BICC1: variants seen among roughly 807,000 people sequenced by gnomAD.
The protein encoded by BICC1 is protein bicaudal C homolog 1.
In BICC1, 43 loss-of-function variants were observed where a neutral mutation model predicts 111.0. That is an observed-to-expected ratio of 0.39 (90% confidence interval 0.30 to 0.50). The LOEUF (loss-of-function observed/expected upper bound fraction) is 0.50. Ranked by LOEUF, BICC1 falls within the 20% of genes least tolerant of loss-of-function variation. BICC1 has a pLI of 0.88. For missense variants in BICC1, 1,091 were observed against 1,203.2 expected, an observed-to-expected ratio of 0.91 and a Z score of 1.38; for synonymous variants, 467 against 434.4, an observed-to-expected ratio of 1.07 and a Z score of -0.93.
rs80058104 is a variant in BICC1, at chr10:58,689,867, G to A, written c.238-12207G>A. The stretch of plus-strand genomic sequence containing the variant: ...TTGGTCAGATGGGTAAGGTTTGGGT[G>A]GCTGAAGCATATGACACTTTTCAGT... On this transcript the variant is annotated intron_variant, in intron 2 of 20. Transcript: ENST00000373886. Among the ~76,000 whole-genome samples, 11 of 152,264 alleles carry A rather than the reference G, an allele frequency of 7.2e-5. No homozygotes were observed. The East Asian group carries it at 1.7e-3, about 24-fold the overall frequency.
chr10:58,530,981 C>T (rs977810388), intron 1 of BICC1, among the ~76,000 whole-genome samples: 1 of 151,776 alleles, frequency 6.6e-6, no homozygotes, highest in African/African-American at 2.4e-5. Flanking sequence ...AACCAAGAAC[C>T]ATGGTTTTGA....
chr10:58,688,720 G>A (rs1463677316), intron 2 of BICC1, among the ~76,000 whole-genome samples: 1 of 152,164 alleles, frequency 6.6e-6, no homozygotes, highest in Non-Finnish European at 1.5e-5. Context: ...ATGAGTTCAT[G>A]TCCTTTGCAG....
chr10:58,557,139 T>G (rs1843471253), intron 1 of BICC1, among the ~76,000 whole-genome samples: 1 of 152,148 alleles, frequency 6.6e-6, no homozygotes, highest in African/African-American at 2.4e-5. Context: ...GATGTTTTCG[T>G]TGAGTAAATA....
At chr10:58,763,370 C>CCCT (rs1842372176) in intron 3 of BICC1, among the ~76,000 whole-genome samples, 2 of 151,994 alleles carry the variant, frequency 1.3e-5, no homozygotes, top group South Asian at 2.1e-4. Flanking sequence ...ATAGCCATAG[C>CCCT]CCTGAGCTTT....
intron 3 of BICC1, among the ~76,000 whole-genome samples, chr10:58,707,775 G>A (rs1461200251): frequency 6.6e-6 from 1 of 151,774 alleles, no homozygotes; most frequent in African/African-American, 2.4e-5. Context: ...TCGGCTCACC[G>A]CAACCTCCAC....
intron 2 of BICC1, among the ~76,000 whole-genome samples, chr10:58,691,629 A>G (rs1839910475): frequency 6.6e-6 from 1 of 152,108 alleles, no homozygotes. Flanking sequence ...AAAACTCTAG[A>G]TTTCTGGCTG....
rs1304189079 is a variant in BICC1 at position 58,793,496 on chromosome 10, C to T, written c.1060C>T (p.Leu354Phe). Residue 354 changes from leucine to phenylalanine, a missense_variant, in exon 9 of 21, where the codon CTT (leucine) becomes TTT (phenylalanine). Transcript: ENST00000373886. ...ARQYLMGCLP[L>F]VLMFDMKEEI... Reference sequence around the variant, plus strand: ...TGACATTTTCTAGGGTTGTCTTCCTCTTGTGTTGATGTTTGATATGAAGGA... The same window carrying T: ...TGACATTTTCTAGGGTTGTCTTCCTTTTGTGTTGATGTTTGATATGAAGGA... 6.2e-7 allele frequency: 1 copy of T among 1,611,564 alleles called. No individual in the cohort carries two copies. The highest frequency in any genetic ancestry group is 8.5e-7 in the Non-Finnish European group (1 of 1,178,618).
intron 3 of BICC1, among the ~76,000 whole-genome samples, chr10:58,776,523 G>T (rs1276615905): frequency 6.6e-6 from 1 of 152,182 alleles, no homozygotes; most frequent in Non-Finnish European, 1.5e-5. Context: ...CCTGGCATGT[G>T]CCCCCTCCTT....
intron 2 of BICC1, among the ~76,000 whole-genome samples, chr10:58,670,827 G>A (rs1315711698): frequency 2.0e-5 from 3 of 152,068 alleles, no homozygotes; most frequent in East Asian, 3.9e-4. Flanking sequence ...ACAAACTGGT[G>A]GGTTTCATAC....
At chr10:58,562,688 C>G (rs1333302508) in intron 1 of BICC1, among the ~76,000 whole-genome samples, 2 of 151,544 alleles carry the variant, frequency 1.3e-5, no homozygotes, top group African/African-American at 4.8e-5. Flanking sequence ...TTTCACTTCT[C>G]TTGTGGTCTT....
intron 3 of BICC1, among the ~76,000 whole-genome samples, chr10:58,740,403 A>C (rs974384066): frequency 3.3e-5 from 5 of 152,208 alleles, no homozygotes; most frequent in Non-Finnish European, 7.3e-5. Flanking sequence ...TGACATTTAA[A>C]AGTTGTCAAG....
intron 1 of BICC1, among the ~76,000 whole-genome samples, chr10:58,617,118 G>A (rs1845639444): frequency 6.6e-6 from 1 of 152,260 alleles, no homozygotes; most frequent in Admixed American, 6.5e-5. Flanking sequence ...GGTCCCAACT[G>A]TGGAAAGGAG....
At chr10:58,720,723 T>C (rs566056249) in intron 3 of BICC1, among the ~76,000 whole-genome samples, 5 of 152,322 alleles carry the variant, frequency 3.3e-5, no homozygotes, top group South Asian at 2.1e-4. Context: ...AGAACTCATC[T>C]ACAGACAGTG....
At chr10:58,544,589 GA>G (rs1466622143) in intron 1 of BICC1, among the ~76,000 whole-genome samples, 1 of 151,990 alleles carries the variant, frequency 6.6e-6, no homozygotes, top group African/African-American at 2.4e-5. Context: ...GAAAGAAATA[GA>G]AAAAAGTTTT....
chr10:58,584,572 G>A (rs2132021599), intron 1 of BICC1, among the ~76,000 whole-genome samples: 1 of 152,280 alleles, frequency 6.6e-6, no homozygotes, highest in Non-Finnish European at 1.5e-5. Context: ...TTTTGTGATT[G>A]TCAGAGAATT....
At chr10:58,642,242 A>G (rs1036001406) in intron 2 of BICC1, among the ~76,000 whole-genome samples, 1 of 152,208 alleles carries the variant, frequency 6.6e-6, no homozygotes, top group African/African-American at 2.4e-5. Context: ...GGGGTGAATG[A>G]AAATGAACAG....
At chr10:58,545,843 C>T (rs1291446064) in intron 1 of BICC1, among the ~76,000 whole-genome samples, 3 of 152,072 alleles carry the variant, frequency 2.0e-5, no homozygotes, top group African/African-American at 4.8e-5. Context: ...ACCTGAACAA[C>T]CCAAACTCCT....
At chr10:58,815,029 A>G (rs1261840199) in intron 18 of BICC1, among the ~76,000 whole-genome samples, 2 of 152,224 alleles carry the variant, frequency 1.3e-5, no homozygotes, top group Non-Finnish European at 2.9e-5. Context: ...TATCTACAAC[A>G]GCACCCATAC....
At chr10:58,697,480 A>G (rs921136450) in intron 2 of BICC1, among the ~76,000 whole-genome samples, 1 of 152,192 alleles carries the variant, frequency 6.6e-6, no homozygotes, top group African/African-American at 2.4e-5. Flanking sequence ...TCAAAAACCA[A>G]CTAGTTGAAA....
Sources: allele counts gnomAD v4.1 joint callset (sites outside exome capture counted in the v4.1 genomes callset), GRCh38; gene constraint gnomAD v4.1.1; transcripts MANE v1.5; gene names NCBI Gene and HGNC (gene_info 2026-07-23, HGNC 2026-07-21).